The following PCYOX1 variants were observed in gnomAD, a reference collection of about 807,000 sequenced individuals.
PCYOX1 encodes the protein prenylcysteine oxidase 1.
Under a neutral mutation model 46.4 loss-of-function variants are expected in PCYOX1, and 46 were observed. The observed-to-expected ratio is 0.99, with a 90% confidence interval of 0.78 to 1.27. The LOEUF is 1.27. Among genes scored for constraint, PCYOX1 ranks in the 50% most tolerant of loss-of-function variants. The pLI, the probability that PCYOX1 is intolerant of heterozygous loss-of-function variation, is 0.00. For missense variants in PCYOX1, 658 were observed against 628.3 expected, an observed-to-expected ratio of 1.05 and a Z score of -0.51; for synonymous variants, 220 against 231.8, an observed-to-expected ratio of 0.95 and a Z score of 0.46.
chr2:70,275,430 G>C (rs1696656704), intron 4 of PCYOX1, 84 bp from the exon 5 acceptor site: 3 of 1,381,228 alleles, frequency 2.2e-6, no homozygotes, highest in Non-Finnish European at 3.0e-6. Flanking sequence ...ATTTGGAGTA[G>C]AACATGTAAT....
upstream of PCYOX1, chr2:70,258,097 G>T: frequency 7.7e-7 from 1 of 1,306,838 alleles, no homozygotes; most frequent in Admixed American, 2.2e-5. Flanking sequence ...GCTGGGCGGA[G>T]CGCGCAGCCG....
At chr2:70,275,701 C>T (rs1295092237) in intron 5 of PCYOX1, 35 bp downstream of exon 5, 4 of 1,594,420 alleles carry the variant, frequency 2.5e-6, no homozygotes, top group Non-Finnish European at 3.4e-6. Context: ...CTGATATCCC[C>T]TGCAGAAAAT....
chr2:70,264,695 A>G (rs549690819), intron 3 of PCYOX1, among the ~76,000 whole-genome samples: 72 of 151,988 alleles, frequency 4.7e-4, no homozygotes, highest in African/African-American at 1.7e-3. Context: ...GAGGGGATAC[A>G]TAGGTTATAC....
intron 3 of PCYOX1, among the ~76,000 whole-genome samples, chr2:70,271,203 G>T (rs987593745): frequency 6.6e-6 from 1 of 151,222 alleles, no homozygotes; most frequent in African/African-American, 2.4e-5. Flanking sequence ...GAATAGCTGG[G>T]ACTACAGGCA....
At position 70,278,077 on chromosome 2, in the gene PCYOX1, T is replaced by A. The variant is rs1696712722; in HGVS notation, c.*685T>A. The A allele has an allele frequency of 6.6e-6, 1 of 152,272 alleles. No homozygotes were observed. The highest frequency in any genetic ancestry group is 2.4e-5 in the African/African-American group (1 of 41,460). 9.4% of individuals were successfully genotyped at this position (152,272 alleles called of 1,614,324 possible). A position where few individuals can be genotyped will look rare whatever the true frequency, so the allele number is the denominator to read the frequency against. On this transcript the variant is annotated 3_prime_UTR_variant, in exon 6 of 6. Coordinates refer to ENST00000433351, the MANE Select transcript of PCYOX1 (RefSeq NM_016297.4). ...TCAGAATGTTGTCTTTTGATTCTTC[T>A]GTCTTGATTTGATTAGGGGTGAAAT... is the stretch of plus-strand genomic sequence containing the variant.
chr2:70,276,116 A>G (rs1696668081), intron 5 of PCYOX1, among the ~76,000 whole-genome samples: 1 of 151,844 alleles, frequency 6.6e-6, no homozygotes, highest in Non-Finnish European at 1.5e-5. Flanking sequence ...AAAAAAAAAA[A>G]AAAAAATTCC....
intron 3 of PCYOX1, among the ~76,000 whole-genome samples, chr2:70,272,045 A>G (rs967600107): frequency 8.5e-5 from 13 of 152,168 alleles, no homozygotes; most frequent in African/African-American, 3.1e-4. Flanking sequence ...CTTAAATTCC[A>G]GAAAATGGCA....
rs1300052497 is a variant in PCYOX1 at position 70,277,333 on chromosome 2, G to A, written c.1459G>A (p.Gly487Arg). 1.1e-5 allele frequency: 18 copies of A among 1,613,634 alleles called. No individual in the cohort carries two copies. Among genetic ancestry groups the A allele is most frequent in the Admixed American group, 1.7e-5 (1 of 59,970 alleles). ...AALLAYHRWNGHTDMIDQDGL... is the reference protein window; with the variant it reads ...AALLAYHRWNRHTDMIDQDGL... ...ACTCCTTGCCTATCACCGCTGGAACGGGCACACAGACATGATTGATCAGGA... is the reference window on the plus strand; with the variant it reads ...ACTCCTTGCCTATCACCGCTGGAACAGGCACACAGACATGATTGATCAGGA... The change falls in exon 6 of 6, where the codon GGG becomes AGG. Residue 487 changes from glycine to arginine, a missense_variant. Transcript: ENST00000433351.
chr2:70,277,580 T>C lies in PCYOX1; in HGVS notation c.*188T>C, dbSNP rs963122818. On this transcript the variant is annotated 3_prime_UTR_variant, in exon 6 of 6. Coordinates refer to ENST00000433351, the MANE Select transcript of PCYOX1 (RefSeq NM_016297.4). ...TGTGAAGGTATAGCTATTGCACTTATGCCATCTCCAAAATTTCTTAAGTAT... is the reference window on the plus strand; with the variant it reads ...TGTGAAGGTATAGCTATTGCACTTACGCCATCTCCAAAATTTCTTAAGTAT... 17 of 514,772 alleles carry C rather than the reference T, an allele frequency of 3.3e-5. No individual in the cohort carries two copies. Among genetic ancestry groups the C allele is most frequent in the East Asian group, 1.2e-4 (4 of 32,444 alleles). The allele number at this position is 514,772 out of a possible 1,614,324, so 31.9% of individuals were successfully genotyped here. A position where few individuals can be genotyped will look rare whatever the true frequency, so the allele number is the denominator to read the frequency against.
chr2:70,259,563 C>G lies in PCYOX1; in HGVS notation c.316C>G (p.Leu106Val). Reference sequence around the variant, plus strand: ...GCACATGAAACGTTTTGTCAAAGACCTGGGTATGTAATTTTGGTCTTGGAG... The same window carrying G: ...GCACATGAAACGTTTTGTCAAAGACGTGGGTATGTAATTTTGGTCTTGGAG... ...NLHMKRFVKD[L>V]GLSAVQASGG... is the part of the protein sequence containing the mutation. The change falls in exon 2 of 6, where the codon CTG (leucine) becomes GTG (valine). Residue 106 changes from leucine to valine, a missense_variant. Leu to Val is a conservative substitution (Grantham distance 32). Coordinates refer to ENST00000433351, the MANE Select transcript of PCYOX1 (RefSeq NM_016297.4). The G allele has an allele frequency of 6.2e-7, 1 of 1,611,530 alleles. No homozygotes were observed. The highest frequency in any genetic ancestry group is 8.5e-7 in the Non-Finnish European group (1 of 1,177,858).
At chr2:70,267,218 A>G (rs552263164) in intron 3 of PCYOX1, among the ~76,000 whole-genome samples, 3 of 149,968 alleles carry the variant, frequency 2.0e-5, no homozygotes, top group African/African-American at 7.4e-5. Context: ...CGCTCCCCAC[A>G]TCCCAGACGA....
At chr2:70,266,931 G>T (rs1394816960) in intron 3 of PCYOX1, among the ~76,000 whole-genome samples, 1 of 152,038 alleles carries the variant, frequency 6.6e-6, no homozygotes, top group Middle Eastern at 3.2e-3. Context: ...ACTTCTATTC[G>T]ACAAAACTGC....
At chr2:70,270,782 T>C (rs1273712174) in intron 3 of PCYOX1, among the ~76,000 whole-genome samples, 4 of 152,156 alleles carry the variant, frequency 2.6e-5, no homozygotes, top group Non-Finnish European at 2.9e-5. Context: ...CTTTTTTTTT[T>C]CTTTTGAGAT....
In PCYOX1 at chr2:70,275,073, GCAA is replaced by G. The variant is rs1396139702; in HGVS notation, c.610_612del (p.Gln204del). 8.1e-6 allele frequency: 13 copies of G among 1,613,992 alleles called. No individual in the cohort carries two copies. Among genetic ancestry groups the G allele is most frequent in the Non-Finnish European group, 1.1e-5 (13 of 1,179,952 alleles). ...TTAATCGAACACTTCTTGAAACCTT[GCAA>G]AAGGCCGGCTTTTCTGAGAAGTTCC... On this transcript the variant is annotated inframe_deletion, in exon 4 of 6. Transcript: ENST00000433351.
rs536202096 is a variant in PCYOX1 at position 70,265,834 on chromosome 2, A to G, written c.494+4448A>G. 3.9e-5 allele frequency among the ~76,000 whole-genome samples: 6 copies of G among 152,284 alleles called. No individual in the cohort carries two copies. The East Asian group carries it at 1.2e-3, about 29-fold the overall frequency. ...TCTGAGACTGATAGACTCACAGGGAAAGGCTTTATAAACACCCTTTCTTCC... is the reference window on the plus strand; with the variant it reads ...TCTGAGACTGATAGACTCACAGGGAGAGGCTTTATAAACACCCTTTCTTCC... On this transcript the variant is annotated intron_variant, in intron 3 of 5. Transcript: ENST00000433351.
chr2:70,275,362 G>T (rs1192541223), intron 4 of PCYOX1, 152 bp from the exon 5 acceptor site: 7 of 853,410 alleles, frequency 8.2e-6, no homozygotes, highest in Non-Finnish European at 1.3e-5. Context: ...CATTAGTTCA[G>T]TAATTCTTAA....
chr2:70,270,856 C>T (rs1358433703), intron 3 of PCYOX1, among the ~76,000 whole-genome samples: 4 of 151,934 alleles, frequency 2.6e-5, no homozygotes, highest in Non-Finnish European at 5.9e-5. Context: ...CTCGGCTCAC[C>T]TTGGCTCACT....
rs553106327 is a variant in PCYOX1, at chr2:70,278,517, A to T, written c.*1125A>T. On this transcript the variant is annotated 3_prime_UTR_variant, in exon 6 of 6. Coordinates refer to ENST00000433351, the MANE Select transcript of PCYOX1 (RefSeq NM_016297.4). ...ATAAGCACAGACAGCCTAACAGCAGAGGCAACTTAAATAACTCCTGAGCAG... is the reference window on the plus strand; with the variant it reads ...ATAAGCACAGACAGCCTAACAGCAGTGGCAACTTAAATAACTCCTGAGCAG... The T allele has an allele frequency of 6.6e-6, 1 of 152,504 alleles. No homozygotes were observed. The highest frequency in any genetic ancestry group is 6.5e-5 in the Admixed American group (1 of 15,302). 9.4% of individuals were successfully genotyped at this position (152,504 alleles called of 1,614,324 possible). A position where few individuals can be genotyped will look rare whatever the true frequency, so the allele number is the denominator to read the frequency against.
At chr2:70,267,406 C>T (rs952205462) in intron 3 of PCYOX1, among the ~76,000 whole-genome samples, 1 of 152,230 alleles carries the variant, frequency 6.6e-6, no homozygotes, top group South Asian at 2.1e-4. Flanking sequence ...GCAGAGGCTG[C>T]AATCTCAGCA....
Sources: gnomAD v4.1 joint callset for allele counts (sites outside exome capture counted in the v4.1 genomes callset) on GRCh38, gnomAD v4.1.1 for gene constraint, MANE v1.5 for transcripts, NCBI Gene and HGNC (gene_info 2026-07-23, HGNC 2026-07-21) for gene names.